Variants in ZDHHC15 observed in about 807,000 individuals in gnomAD.
ZDHHC15 encodes zDHHC palmitoyltransferase 15, also known as palmitoyltransferase ZDHHC15.
Under a neutral mutation model 31.7 loss-of-function variants are expected in ZDHHC15, and 19 were observed. The observed-to-expected ratio is 0.60, with a 90% CI of 0.42 to 0.88. ZDHHC15 has a LOEUF of 0.88. ZDHHC15 is among the 40% of genes least tolerant of loss of function. The pLI is 0.00. For missense variants in ZDHHC15, 209 were observed against 251.2 expected, an observed-to-expected ratio of 0.83 and a Z score of 1.14; for synonymous variants, 103 against 90.0, an observed-to-expected ratio of 1.14 and a Z score of -0.82.
intron 2 of ZDHHC15, among the ~76,000 whole-genome samples, chrX:75,488,907 G>A (rs2084821988): frequency 8.9e-6 from 1 of 112,007 alleles, no homozygotes; most frequent in Non-Finnish European, 1.9e-5. Context: ...CCCTAATACT[G>A]CACTTTTCCA....
rs991224371 is a variant in ZDHHC15, at chrX:75,371,727, T to A, written c.*1251A>T. ...AGCAGCTGGGCACTAGACTGCTGGA[T>A]GAAAAAATGAAAGATATCAATACTC... On this transcript the variant is annotated 3_prime_UTR_variant, in exon 12 of 12. Transcript: ENST00000373367. 10 of 111,496 alleles carry A rather than the reference T, an allele frequency of 9.0e-5. No homozygotes were observed. Among genetic ancestry groups the A allele is most frequent in the Non-Finnish European group, 1.9e-5 (1 of 53,098 alleles). The allele number at this position is 111,496 out of a possible 1,213,427, so 9.2% of individuals were successfully genotyped here.
intron 10 of ZDHHC15, among the ~76,000 whole-genome samples, chrX:75,399,982 C>G (rs1230985196): frequency 1.3e-4 from 15 of 111,615 alleles, no homozygotes; most frequent in Non-Finnish European, 7.5e-5. Context: ...TGACTGTACT[C>G]AAGCTACACT....
chrX:75,413,133 A>G, intron 10 of ZDHHC15, among the ~76,000 whole-genome samples: 1 of 112,554 alleles, frequency 8.9e-6, no homozygotes, highest in Middle Eastern at 4.6e-3. Context: ...TCATTTTACT[A>G]TGTATTTGTA....
Position 75,385,916 on chromosome X carries a change from A to T in ZDHHC15, c.968-6718T>A, listed in dbSNP as rs181296505. Among the ~76,000 whole-genome samples, 10 of 112,050 alleles carry T rather than the reference A, an allele frequency of 8.9e-5. No homozygotes were observed. The East Asian group carries it at 2.8e-3, about 31-fold the overall frequency. ...TGTGTTCTGTTAGGGAACTTTATGT[A>T]TCTTATCTCCCCAAATAAATAAAAT... On this transcript the variant is annotated intron_variant, in intron 10 of 11. Transcript: ENST00000373367.
intron 3 of ZDHHC15, among the ~76,000 whole-genome samples, chrX:75,454,490 A>T (rs1242479630): frequency 1.8e-5 from 2 of 111,623 alleles, no homozygotes; most frequent in Non-Finnish European, 3.8e-5. Context: ...CTATTTCTAG[A>T]TCCTTGAGGA....
At chrX:75,410,039 G>A (rs1203868373) in intron 10 of ZDHHC15, among the ~76,000 whole-genome samples, 1 of 110,910 alleles carries the variant, frequency 9.0e-6, no homozygotes, top group Non-Finnish European at 1.9e-5. Context: ...ACCATATACA[G>A]AAGAATGAAA....
At chrX:75,456,399 T>C (rs1022290717) in intron 3 of ZDHHC15, among the ~76,000 whole-genome samples, 4 of 110,186 alleles carry the variant, frequency 3.6e-5, no homozygotes, top group African/African-American at 1.3e-4. Flanking sequence ...AAATACCTAA[T>C]GTAAGTGTCA....
intron 2 of ZDHHC15, among the ~76,000 whole-genome samples, chrX:75,498,187 C>T (rs1447549365): frequency 9.0e-6 from 1 of 110,719 alleles, no homozygotes; most frequent in Non-Finnish European, 1.9e-5. Flanking sequence ...GCTGCCTCAG[C>T]CTCCCAAAGT....
At chrX:75,459,764 C>T (rs1024041716) in intron 3 of ZDHHC15, among the ~76,000 whole-genome samples, 1 of 112,185 alleles carries the variant, frequency 8.9e-6, no homozygotes, top group African/African-American at 3.2e-5. Context: ...AAAATTGTCC[C>T]GATGAGGAAG....
At chrX:75,385,743 C>T (rs1289192724) in intron 10 of ZDHHC15, among the ~76,000 whole-genome samples, 1 of 111,436 alleles carries the variant, frequency 9.0e-6, no homozygotes, top group Non-Finnish European at 1.9e-5. Context: ...TGCCACCAAT[C>T]TAGATCCTAT....
intron 3 of ZDHHC15, among the ~76,000 whole-genome samples, chrX:75,474,448 T>TACAC (rs752694258): frequency 1.6e-3 from 123 of 78,652 alleles, no homozygotes; most frequent in South Asian, 2.3e-3. Flanking sequence ...TATATATATA[T>TACAC]ACACACACAC....
At chrX:75,374,365 C>T (rs1198144948) in intron 11 of ZDHHC15, among the ~76,000 whole-genome samples, 3 of 109,481 alleles carry the variant, frequency 2.7e-5, no homozygotes, top group Non-Finnish European at 5.7e-5. Context: ...GCACATGTGT[C>T]CCAGAAGTTA....
chrX:75,469,550 T>C (rs180921201), intron 3 of ZDHHC15, among the ~76,000 whole-genome samples: 10 of 112,250 alleles, frequency 8.9e-5, no homozygotes, highest in Admixed American at 4.7e-4. Flanking sequence ...GTCCATGTGG[T>C]AGCATGTGTC....
intron 2 of ZDHHC15, among the ~76,000 whole-genome samples, chrX:75,479,333 T>C (rs1242867426): frequency 8.9e-6 from 1 of 111,956 alleles, no homozygotes; most frequent in Non-Finnish European, 1.9e-5. Flanking sequence ...ACACAGCACT[T>C]TAGAGTTTAC....
At chrX:75,495,855 A>G (rs2084987369) in intron 2 of ZDHHC15, among the ~76,000 whole-genome samples, 1 of 107,516 alleles carries the variant, frequency 9.3e-6, no homozygotes, top group Admixed American at 1.0e-4. Context: ...TGGGTGCAGC[A>G]CACCAACATG....
intron 10 of ZDHHC15, among the ~76,000 whole-genome samples, chrX:75,393,569 G>A (rs1019673602): frequency 2.7e-5 from 3 of 111,237 alleles, no homozygotes; most frequent in Non-Finnish European, 5.7e-5. Context: ...AACAGTTCAT[G>A]CCAAGGACCA....
At chrX:75,434,700 C>T (rs2083827187) in intron 4 of ZDHHC15, among the ~76,000 whole-genome samples, 1 of 112,047 alleles carries the variant, frequency 8.9e-6, no homozygotes, top group African/African-American at 3.3e-5. Flanking sequence ...GTCTATGCAC[C>T]TATTTTTATA....
chrX:75,447,733 G>A (rs761038682), intron 4 of ZDHHC15, among the ~76,000 whole-genome samples: 1 of 110,489 alleles, frequency 9.1e-6, no homozygotes, highest in Non-Finnish European at 1.9e-5. Flanking sequence ...TTTTCTTCCT[G>A]TTCCTGCAAT....
At chrX:75,501,811 A>C (rs781704873) in intron 2 of ZDHHC15, 1 of 111,289 alleles carries the variant, frequency 9.0e-6, no homozygotes, top group African/African-American at 3.3e-5. Flanking sequence ...TTCTCTTATA[A>C]ATTTAAGTTC....
Sources: gnomAD v4.1 joint callset for allele counts (sites outside exome capture counted in the v4.1 genomes callset) on GRCh38, gnomAD v4.1.1 for gene constraint, MANE v1.5 for transcripts, NCBI Gene and HGNC (gene_info 2026-07-23, HGNC 2026-07-21) for gene names.